Variants in GALNT15 observed in about 807,000 individuals in gnomAD.
GALNT15 encodes polypeptide N-acetylgalactosaminyltransferase 15.
Under a neutral mutation model 66.8 loss-of-function variants are expected in GALNT15, and 67 were observed. The observed-to-expected ratio is 1.00, with a 90% CI of 0.82 to 1.23. GALNT15 has a LOEUF of 1.23. Among genes scored for constraint, GALNT15 ranks in the 50% most tolerant of loss-of-function variants. The pLI, the probability that GALNT15 is intolerant of heterozygous loss-of-function variation, is 0.00. For missense variants in GALNT15, 827 were observed against 804.3 expected (o/e 1.03, Z -0.34); for synonymous variants, 313 against 311.5 (o/e 1.00, Z -0.05).
At chr3:16,212,401 C>T (rs1429872253) in intron 5 of GALNT15, among the ~76,000 whole-genome samples, 168 bp from the exon 6 acceptor site, 1 of 152,158 alleles carries the variant, frequency 6.6e-6, no homozygotes, top group African/African-American at 2.4e-5. Context: ...CTGCCCAGAA[C>T]CTCCAAATCT....
the GALNT15 span, among the ~76,000 whole-genome samples, chr3:16,243,333 C>T: frequency 0.047 from 7,186 of 152,302 alleles, 216 homozygotes; most frequent in Non-Finnish European, 0.071. Flanking sequence ...CACTGGACAC[C>T]GAAACATCTG....
rs777341127 is a variant in GALNT15 at position 16,193,024 on chromosome 3, C to T, written c.540-2736C>T. Among the ~76,000 whole-genome samples the T allele has an allele frequency of 5.3e-5, 8 of 152,102 alleles. No homozygotes were observed. Among genetic ancestry groups the T allele is most frequent in the East Asian group, 1.9e-4 (1 of 5,198 alleles). ...TGGTTTTGCTCATTGTGGATGATTA[C>T]GTGAGATATTTTCATGATGGGGAGC... On this transcript the variant is annotated intron_variant, in intron 1 of 9. Coordinates refer to ENST00000339732, the MANE Select transcript of GALNT15 (RefSeq NM_054110.5). This position sits in a 1 kb window ranked among gnomAD's most constrained non-coding sequence, Gnocchi z 4.7.
rs1264828479 is a variant in GALNT15 at position 16,229,407 on chromosome 3, G to T, written c.*1907G>T. 3 of 867,452 alleles carry T rather than the reference G, an allele frequency of 3.5e-6. No homozygotes were observed. The highest frequency in any genetic ancestry group is 5.9e-4 in the Middle Eastern group (1 of 1,708). The allele number at this position is 867,452 out of a possible 1,614,324, so 53.7% of individuals were successfully genotyped here. On this transcript the variant is annotated 3_prime_UTR_variant, in exon 10 of 10. Transcript: ENST00000339732. Reference sequence around the variant, plus strand: ...TGCTCACTACCCACCTGTGGCTAGGGTCTACTTCTACTGTATTGGCGAGCA... The same window carrying T: ...TGCTCACTACCCACCTGTGGCTAGGTTCTACTTCTACTGTATTGGCGAGCA...
the GALNT15 span, among the ~76,000 whole-genome samples, chr3:16,242,587 A>G: frequency 1.3e-5 from 2 of 151,854 alleles, no homozygotes; most frequent in Non-Finnish European, 2.9e-5. The surrounding 1 kb of genome is among the most constrained non-coding windows in gnomAD (Gnocchi z 5.6). Flanking sequence ...GCAAAAACCA[A>G]TCTCTACCAA....
chr3:16,175,047 C>A lies in GALNT15; in HGVS notation c.-105C>A. On this transcript the variant is annotated 5_prime_UTR_variant, in exon 1 of 10. Transcript: ENST00000339732. The surrounding 1 kb of genome is among the most constrained non-coding windows in gnomAD (Gnocchi z 5.6). ...GGTTAAGTGACTGGCAGAAAAACTT[C>A]CAGGTGGAACAAGCAACCCAGGTTC... The A allele has an allele frequency of 1.8e-6, 2 of 1,098,072 alleles. No individual in the cohort carries two copies. The highest frequency in any genetic ancestry group is 2.6e-6 in the Non-Finnish European group (2 of 764,822). The allele number at this position is 1,098,072 out of a possible 1,614,324, so 68.0% of individuals were successfully genotyped here. A position where few individuals can be genotyped will look rare whatever the true frequency, so the allele number is the denominator to read the frequency against.
chr3:16,212,795 C>G, intron 6 of GALNT15, 32 bp downstream of exon 6: 1 of 1,586,860 alleles, frequency 6.3e-7, no homozygotes, highest in Non-Finnish European at 8.6e-7. Context: ...GCTTCTGTGT[C>G]CAGCACAGGG....
At chr3:16,212,827 G>T (rs974492326) in intron 6 of GALNT15, 64 bp downstream of exon 6, 2 of 1,430,326 alleles carry the variant, frequency 1.4e-6, no homozygotes, top group Non-Finnish European at 1.9e-6. Flanking sequence ...AGGTGGGCCA[G>T]GGAGGGCTCC....
the GALNT15 span, among the ~76,000 whole-genome samples, chr3:16,240,746 T>A: frequency 6.6e-6 from 1 of 152,174 alleles, no homozygotes; most frequent in Non-Finnish European, 1.5e-5. Flanking sequence ...CAATCTACAC[T>A]AGAGCCCGAG....
rs1473824286 is a variant in GALNT15 at position 16,225,070 on chromosome 3, G to A, written c.1774-2284G>A. ...GGCATCTGCTTCTGGGGAGGCCTCA[G>A]AGAGCTTTTACTTATGGCAGAAGAT... On this transcript the variant is annotated intron_variant, in intron 9 of 9. Transcript: ENST00000339732. The surrounding 1 kb of genome is among the most constrained non-coding windows in gnomAD (Gnocchi z 4.4). Among the ~76,000 whole-genome samples, 1 of 152,192 alleles carries A rather than the reference G, an allele frequency of 6.6e-6. No homozygotes were observed. Among genetic ancestry groups the A allele is most frequent in the Non-Finnish European group, 1.5e-5 (1 of 68,034 alleles).
At position 16,195,650 on chromosome 3, in the gene GALNT15, G is replaced by A. The variant is rs62235208; in HGVS notation, c.540-110G>A. 51,747 of 880,676 alleles carry A rather than the reference G, an allele frequency of 0.059. 1,783 individuals are homozygous for A. The highest frequency in any genetic ancestry group is 0.066 in the Non-Finnish European group (38,160 of 577,290). 54.6% of individuals were successfully genotyped at this position (880,676 alleles called of 1,614,324 possible). A position where few individuals can be genotyped will look rare whatever the true frequency, so the allele number is the denominator to read the frequency against. On this transcript the variant is annotated intron_variant, in intron 1 of 9. Transcript: ENST00000339732. This position sits in a 1 kb window ranked among gnomAD's most constrained non-coding sequence, Gnocchi z 4.6. The stretch of plus-strand genomic sequence containing the variant: ...GAATTTTAAGAGATCCCATAGGACA[G>A]CCATATAATGGGGGCAGCTCCAGCC...
At chr3:16,194,123 T>C (rs1574975971) in intron 1 of GALNT15, among the ~76,000 whole-genome samples, 2 of 152,174 alleles carry the variant, frequency 1.3e-5, no homozygotes, top group Non-Finnish European at 2.9e-5. Flanking sequence ...TTGCCAGCAA[T>C]GTGAGCTTTG....
the GALNT15 span, chr3:16,243,959 C>T: frequency 6.1e-6 from 6 of 980,678 alleles, no homozygotes; most frequent in African/African-American, 7.0e-5. Flanking sequence ...AAGTAAGGAG[C>T]GGGCTCCAGT....
At chr3:16,178,819 C>A (rs998684243) in intron 1 of GALNT15, among the ~76,000 whole-genome samples, 7 of 152,218 alleles carry the variant, frequency 4.6e-5, no homozygotes, top group Non-Finnish European at 1.0e-4. Flanking sequence ...ACCAGCAGAG[C>A]GCTAGGACAT....
At chr3:16,247,899 G>A in the GALNT15 span, among the ~76,000 whole-genome samples, 13 of 152,280 alleles carry the variant, frequency 8.5e-5, no homozygotes, top group African/African-American at 3.1e-4. Flanking sequence ...ACACACAGGG[G>A]CTGTCCCAGG....
chr3:16,206,019 G>C (rs1416529356), intron 3 of GALNT15, among the ~76,000 whole-genome samples: 1 of 152,148 alleles, frequency 6.6e-6, no homozygotes, highest in African/African-American at 2.4e-5. Flanking sequence ...AACAAAAAGA[G>C]AAACATAATG....
Position 16,219,354 on chromosome 3 carries a change from T to A in GALNT15, c.1393-49T>A. 1 of 1,604,540 alleles carries A rather than the reference T, an allele frequency of 6.2e-7. No individual in the cohort carries two copies. Among genetic ancestry groups the A allele is most frequent in the Non-Finnish European group, 8.5e-7 (1 of 1,175,228 alleles). On this transcript the variant is annotated intron_variant, in intron 6 of 9. Transcript: ENST00000339732. This position sits in a 1 kb window ranked among gnomAD's most constrained non-coding sequence, Gnocchi z 4.3. ...ACTCCATCCCCAACCATGTGAATTCTGGGCAAGACAAGCTTTCATCATCCT... is the reference window on the plus strand; with the variant it reads ...ACTCCATCCCCAACCATGTGAATTCAGGGCAAGACAAGCTTTCATCATCCT...
At position 16,218,811 on chromosome 3, in the gene GALNT15, T is replaced by C. The variant is rs1041464137; in HGVS notation, c.1393-592T>C. ...ATATCATAGACTCTCTCTCTCTCTCTTTTTTTTTTTTTTTTTTTTTTGCGA... is the reference window on the plus strand; with the variant it reads ...ATATCATAGACTCTCTCTCTCTCTCCTTTTTTTTTTTTTTTTTTTTTGCGA... On this transcript the variant is annotated intron_variant, in intron 6 of 9. Coordinates refer to ENST00000339732, the MANE Select transcript of GALNT15 (RefSeq NM_054110.5). Among the ~76,000 whole-genome samples, 28 of 39,764 alleles carry C rather than the reference T, an allele frequency of 7.0e-4. No individual in the cohort carries two copies. The South Asian group carries it at 0.022, about 31-fold the overall frequency. 26.1% of individuals were successfully genotyped at this position (39,764 alleles called of 152,430 possible).
chr3:16,195,923 C>T lies in GALNT15; in HGVS notation c.703C>T (p.Gln235Ter), dbSNP rs1166202417. The change falls in exon 2 of 10, where the codon CAA becomes TAA. Residue 235 changes from glutamine to a stop codon, truncating the protein, a stop_gained. Coordinates refer to ENST00000339732, the MANE Select transcript of GALNT15 (RefSeq NM_054110.5). LOFTEE classifies it high-confidence loss of function. This position sits in a 1 kb window ranked among gnomAD's most constrained non-coding sequence, Gnocchi z 4.6. ...EIILVDDLSQ[Q>*]GQLKSALSEY... ...CATCCTCGTGGACGACCTCAGCCAGCAAGGTAGCCACGGCTTTCCTCCAGG... is the reference window on the plus strand; with the variant it reads ...CATCCTCGTGGACGACCTCAGCCAGTAAGGTAGCCACGGCTTTCCTCCAGG... 1.2e-6 allele frequency: 2 copies of T among 1,613,868 alleles called. No individual in the cohort carries two copies. Among genetic ancestry groups the T allele is most frequent in the African/African-American group, 1.3e-5 (1 of 74,916 alleles).
chr3:16,199,006 T>C (rs2063671071), intron 2 of GALNT15, among the ~76,000 whole-genome samples: 1 of 142,780 alleles, frequency 7.0e-6, no homozygotes, highest in African/African-American at 2.6e-5. Context: ...GAGTGCCTAC[T>C]GTGGGCCAGG....
Sources: allele counts gnomAD v4.1 joint callset (sites outside exome capture counted in the v4.1 genomes callset), GRCh38; gene constraint gnomAD v4.1.1; non-coding constraint Gnocchi (gnomAD v3.1); transcripts MANE v1.5; gene names NCBI Gene and HGNC (gene_info 2026-07-23, HGNC 2026-07-21).